Variants in ZNF772 observed in about 807,000 individuals in gnomAD.
ZNF772 encodes zinc finger protein 772.
A neutral mutation model predicts 11.0 loss-of-function variants in ZNF772; 8 were observed. The observed-to-expected ratio is 0.73, with a 90% CI of 0.43 to 1.31. ZNF772 has a LOEUF of 1.31. Among genes scored for constraint, ZNF772 ranks in the 50% most tolerant of loss-of-function variants. The pLI is 0.01. For missense variants in ZNF772, 496 were observed against 552.3 expected (o/e 0.90, Z 1.02); for synonymous variants, 155 against 180.4 (o/e 0.86, Z 1.13).
At chr19:57,474,913 A>G in intron 3 of ZNF772, 1 of 1,489,672 alleles carries the variant, frequency 6.7e-7, no homozygotes, top group African/African-American at 1.4e-5. Context: ...GCCAAAGGCC[A>G]GAGTATGAAA....
Position 57,472,842 on chromosome 19 carries a change from A to G in ZNF772, c.*432T>C, listed in dbSNP as rs2089231429. On this transcript the variant is annotated 3_prime_UTR_variant, in exon 4 of 4. Transcript: ENST00000356584. ...GGAAACCTCTGCCAGTGGTCAGCAG[A>G]ACAAAGCTCCCATTTTTCTGGCTAA... is the stretch of plus-strand genomic sequence containing the variant. 1 of 168,472 alleles carries G rather than the reference A, an allele frequency of 5.9e-6. No homozygotes were observed. The highest frequency in any genetic ancestry group is 5.7e-5 in the Admixed American group (1 of 17,630). The allele number at this position is 168,472 out of a possible 1,614,324, so 10.4% of individuals were successfully genotyped here.
Position 57,475,225 on chromosome 19 carries a change from G to C in ZNF772, c.199+435C>G. The C allele has an allele frequency of 6.5e-7, 1 of 1,549,846 alleles. No homozygotes were observed. The highest frequency in any genetic ancestry group is 8.8e-7 in the Non-Finnish European group (1 of 1,140,128). ...TATTATTAAAATAATCTCAGAGTAA[G>C]GTCTTGCAGGAATAGTGCAGTGGTC... On this transcript the variant is annotated intron_variant, in intron 3 of 3. Transcript: ENST00000356584. The surrounding 1 kb of genome is among the most constrained non-coding windows in gnomAD (Gnocchi z 4.2).
Position 57,471,028 on chromosome 19 carries a change from C to G in ZNF772, c.*2246G>C, listed in dbSNP as rs1190734925. ...TATAACTTGTACAGCCCTCTATCTA[C>G]CACAGAAATCAAACTTATAGTTAGA... On this transcript the variant is annotated 3_prime_UTR_variant, in exon 4 of 4. Coordinates refer to ENST00000356584, the MANE Select transcript of ZNF772 (RefSeq NM_001144068.2). 6.6e-6 allele frequency: 1 copy of G among 152,142 alleles called. No individual in the cohort carries two copies. Among genetic ancestry groups the G allele is most frequent in the Admixed American group, 6.5e-5 (1 of 15,284 alleles). 9.4% of individuals were successfully genotyped at this position (152,142 alleles called of 1,614,324 possible).
chr19:57,476,821 T>C (rs2089289857), intron 1 of ZNF772, 149 bp from the exon 2 acceptor site: 1 of 706,102 alleles, frequency 1.4e-6, no homozygotes, highest in Non-Finnish European at 2.3e-6. Flanking sequence ...ACCTCTTAAC[T>C]GTGTTAGCTC....
chr19:57,477,414 G>A lies in ZNF772; in HGVS notation c.-105C>T. 1 of 1,248,414 alleles carries A rather than the reference G, an allele frequency of 8.0e-7. No homozygotes were observed. Among genetic ancestry groups the A allele is most frequent in the Non-Finnish European group, 1.2e-6 (1 of 868,780 alleles). The allele number at this position is 1,248,414 out of a possible 1,614,324, so 77.3% of individuals were successfully genotyped here. A position where few individuals can be genotyped will look rare whatever the true frequency, so the allele number is the denominator to read the frequency against. On this transcript the variant is annotated 5_prime_UTR_variant, in exon 1 of 4. Coordinates refer to ENST00000356584, the MANE Select transcript of ZNF772 (RefSeq NM_001144068.2). ...GTCACTCAGGCAGCGCCACTGTCAA[G>A]CCTCAGGCCCACCTCTCTTCAGGGA... is the stretch of plus-strand genomic sequence containing the variant.
At position 57,474,195 on chromosome 19, in the gene ZNF772, G is replaced by A. The variant is rs776388079; in HGVS notation, c.426C>T (p.Phe142=). Residue 142 remains phenylalanine (F), a synonymous_variant, in exon 4 of 4, where the codon TTC becomes TTT. Transcript: ENST00000356584. ...MCVLCGKQFC[F]SANLHQHQKQ... is the part of the protein sequence containing the mutation. ...TCTGGTGCTGGTGAAGGTTTGCACTGAAGCAGAACTGTTTCCCACACAGCA... is the reference window on the plus strand; with the variant it reads ...TCTGGTGCTGGTGAAGGTTTGCACTAAAGCAGAACTGTTTCCCACACAGCA... The A allele has an allele frequency of 6.2e-7, 1 of 1,614,152 alleles. No homozygotes were observed. The highest frequency in any genetic ancestry group is 8.5e-7 in the Non-Finnish European group (1 of 1,180,020).
In ZNF772 at chr19:57,476,736, C is replaced by T. The variant is rs1568560049; in HGVS notation, c.34-64G>A. 9 of 1,423,438 alleles carry T rather than the reference C, an allele frequency of 6.3e-6. No individual in the cohort carries two copies. The East Asian group carries it at 1.2e-4, about 18-fold the overall frequency. 88.2% of individuals were successfully genotyped at this position (1,423,438 alleles called of 1,614,324 possible). On this transcript the variant is annotated intron_variant, in intron 1 of 3. Coordinates refer to ENST00000356584, the MANE Select transcript of ZNF772 (RefSeq NM_001144068.2). ...TGAAGGAACCCCAAAGGCTCAACCC[C>T]ATCCCATATTCCTACCCAGTTACAA... is the stretch of plus-strand genomic sequence containing the variant.
In ZNF772 at chr19:57,474,193, C is replaced by A. The variant is rs771011227; in HGVS notation, c.428G>T (p.Ser143Ile). 1.9e-6 allele frequency: 3 copies of A among 1,614,186 alleles called. No homozygotes were observed. The highest frequency in any genetic ancestry group is 1.1e-5 in the South Asian group (1 of 91,086). The change falls in exon 4 of 4, where the codon AGT (serine) becomes ATT (isoleucine). Residue 143 changes from serine (S) to isoleucine (I), a missense_variant. Ser to Ile is a moderately radical substitution (Grantham distance 142, BLOSUM62 -2). Coordinates refer to ENST00000356584, the MANE Select transcript of ZNF772 (RefSeq NM_001144068.2). ...CVLCGKQFCF[S>I]ANLHQHQKQH... The stretch of plus-strand genomic sequence containing the variant: ...CTTCTGGTGCTGGTGAAGGTTTGCA[C>A]TGAAGCAGAACTGTTTCCCACACAG...
In ZNF772 at chr19:57,471,139, T is replaced by C. The variant is rs2089209141; in HGVS notation, c.*2135A>G. 6.6e-6 allele frequency: 1 copy of C among 152,232 alleles called. No individual in the cohort carries two copies. 9.4% of individuals were successfully genotyped at this position (152,232 alleles called of 1,614,324 possible). ...TTTAAGGAAGAAATAATACCAATTA[T>C]TCACAAACTCTTCCAGAGAGCTGAA... On this transcript the variant is annotated 3_prime_UTR_variant, in exon 4 of 4. Coordinates refer to ENST00000356584, the MANE Select transcript of ZNF772 (RefSeq NM_001144068.2).
rs1310072933 is a variant in ZNF772 at position 57,470,674 on chromosome 19, T to C, written c.*2600A>G. The C allele has an allele frequency of 1.3e-5, 2 of 151,800 alleles. No homozygotes were observed. The highest frequency in any genetic ancestry group is 1.5e-5 in the Non-Finnish European group (1 of 67,910). The allele number at this position is 151,800 out of a possible 1,614,324, so 9.4% of individuals were successfully genotyped here. On this transcript the variant is annotated 3_prime_UTR_variant, in exon 4 of 4. Transcript: ENST00000356584. ...AAATCTCTACCCAAACCAATCAAGG[T>C]TAAAAGAAAAATATAGACATTACCA...
Position 57,477,296 on chromosome 19 carries a change from T to TCGG in ZNF772, c.13_14insCCG (p.Ala4dup). 6.3e-7 allele frequency: 1 copy of TCGG among 1,580,038 alleles called. No homozygotes were observed. Among genetic ancestry groups the TCGG allele is most frequent in the Non-Finnish European group, 8.6e-7 (1 of 1,163,264 alleles). On this transcript the variant is annotated inframe_insertion, in exon 1 of 4. Coordinates refer to ENST00000356584, the MANE Select transcript of ZNF772 (RefSeq NM_001144068.2). ...ACCCACCTGTGCCGGGCCCATCGGC[T>TCGG]CAGCCGCCGCCATCAGGCCTGTGGA... is the stretch of plus-strand genomic sequence containing the variant.
chr19:57,469,981 T>A lies in ZNF772; in HGVS notation c.*3293A>T, dbSNP rs1436599429. 2.0e-5 allele frequency: 3 copies of A among 151,978 alleles called. No homozygotes were observed. The highest frequency in any genetic ancestry group is 7.3e-5 in the African/African-American group (3 of 41,364). 9.4% of individuals were successfully genotyped at this position (151,978 alleles called of 1,614,324 possible). ...GAAACTACCAGAAAGATAAGCAAAA[T>A]CCCCAAATATTTAGGAATTAAATAA... On this transcript the variant is annotated 3_prime_UTR_variant, in exon 4 of 4. Coordinates refer to ENST00000356584, the MANE Select transcript of ZNF772 (RefSeq NM_001144068.2).
rs2089193582 is a variant in ZNF772 at position 57,469,753 on chromosome 19, G to A, written c.*3521C>T. The A allele has an allele frequency of 6.6e-6, 1 of 152,150 alleles. No individual in the cohort carries two copies. The highest frequency in any genetic ancestry group is 2.1e-4 in the South Asian group (1 of 4,832). 9.4% of individuals were successfully genotyped at this position (152,150 alleles called of 1,614,324 possible). On this transcript the variant is annotated 3_prime_UTR_variant, in exon 4 of 4. Coordinates refer to ENST00000356584, the MANE Select transcript of ZNF772 (RefSeq NM_001144068.2). ...ACCAAAACCACAGAATGTCAATAAA[G>A]ATAGAAAAAACTTAAATAACATCAA...
At chr19:57,476,589 T>C in intron 2 of ZNF772, 45 bp downstream of exon 2, 1 of 1,596,586 alleles carries the variant, frequency 6.3e-7, no homozygotes, top group Non-Finnish European at 8.6e-7. Flanking sequence ...GAGAGCGTAT[T>C]GGGTGGGGGT....
At position 57,477,298 on chromosome 19, in the gene ZNF772, AGCC is replaced by A. The variant is rs34678661; in HGVS notation, c.9_11del (p.Ala4del). The A allele has an allele frequency of 1.2e-6, 2 of 1,612,664 alleles. No individual in the cohort carries two copies. The highest frequency in any genetic ancestry group is 1.7e-6 in the Non-Finnish European group (2 of 1,179,488). ...CCACCTGTGCCGGGCCCATCGGCTC[AGCC>A]GCCGCCATCAGGCCTGTGGACTACG... On this transcript the variant is annotated inframe_deletion, in exon 1 of 4. Coordinates refer to ENST00000356584, the MANE Select transcript of ZNF772 (RefSeq NM_001144068.2).
At chr19:57,476,735 C>T in intron 1 of ZNF772, 63 bp from the exon 2 acceptor site, 1 of 1,433,294 alleles carries the variant, frequency 7.0e-7, no homozygotes, top group South Asian at 1.4e-5. Context: ...AGGCTCAACC[C>T]CATCCCATAT....
At position 57,470,319 on chromosome 19, in the gene ZNF772, C is replaced by T. The variant is rs56278798; in HGVS notation, c.*2955G>A. 0.27 allele frequency: 41,585 copies of T among 151,830 alleles called. 6,238 individuals carry two copies. Among genetic ancestry groups the T allele is most frequent in the Middle Eastern group, 0.37 (108 of 294 alleles). The allele number at this position is 151,830 out of a possible 1,614,324, so 9.4% of individuals were successfully genotyped here. ...CAGAGCTTGCAGTGAGCCGAGATCG[C>T]GCCACTGCACTCCAACCTGGATGAC... is the stretch of plus-strand genomic sequence containing the variant. On this transcript the variant is annotated 3_prime_UTR_variant, in exon 4 of 4. Coordinates refer to ENST00000356584, the MANE Select transcript of ZNF772 (RefSeq NM_001144068.2).
At position 57,477,334 on chromosome 19, in the gene ZNF772, G is replaced by A; in HGVS notation, c.-25C>T. 6.2e-7 allele frequency: 1 copy of A among 1,613,176 alleles called. No homozygotes were observed. Among genetic ancestry groups the A allele is most frequent in the Non-Finnish European group, 8.5e-7 (1 of 1,179,646 alleles). ...TCAGGCCTGTGGACTACGGAAGGGT[G>A]GCGACAAGTGCAGGAACCTGGGATC... On this transcript the variant is annotated 5_prime_UTR_variant, in exon 1 of 4. Coordinates refer to ENST00000356584, the MANE Select transcript of ZNF772 (RefSeq NM_001144068.2).
rs1430812530 is a variant in ZNF772 at position 57,473,514 on chromosome 19, T to G, written c.1107A>C (p.Ala369=). Reference sequence around the variant, plus strand: ...AGCTTTGGCTAAAGAACTTCCCACATGCGATGCACTCATAAGGCCTTGCTC... The same window carrying G: ...AGCTTTGGCTAAAGAACTTCCCACAGGCGATGCACTCATAAGGCCTTGCTC... ...HTGARPYECI[A]CGKFFSQSSD... Residue 369 remains alanine, a synonymous_variant, in exon 4 of 4, where the codon GCA becomes GCC. Coordinates refer to ENST00000356584, the MANE Select transcript of ZNF772 (RefSeq NM_001144068.2). 1 of 1,614,114 alleles carries G rather than the reference T, an allele frequency of 6.2e-7. No individual in the cohort carries two copies. The highest frequency in any genetic ancestry group is 8.5e-7 in the Non-Finnish European group (1 of 1,180,048).
Sources: allele counts gnomAD v4.1 joint callset, GRCh38; gene constraint gnomAD v4.1.1; non-coding constraint Gnocchi (gnomAD v3.1); transcripts MANE v1.5; gene names NCBI Gene and HGNC (gene_info 2026-07-23, HGNC 2026-07-21).